The following APBB1IP variants were observed in gnomAD, a reference collection of about 807,000 sequenced individuals.
The protein encoded by APBB1IP is amyloid beta A4 precursor protein-binding family B member 1-interacting protein.
Under a neutral mutation model 64.9 loss-of-function variants are expected in APBB1IP, and 27 were observed. That is an observed-to-expected ratio of 0.42 (90% confidence interval 0.31 to 0.57). The LOEUF is 0.57. Ranked by LOEUF, APBB1IP falls within the 20% of genes least tolerant of loss-of-function variation. APBB1IP has a pLI of 0.20. For missense variants in APBB1IP, 812 were observed against 845.5 expected, an observed-to-expected ratio of 0.96 and a Z score of 0.49; for synonymous variants, 392 against 331.0, an observed-to-expected ratio of 1.18 and a Z score of -2.00.
chr10:26,463,627 G>A (rs1564351632), intron 2 of APBB1IP, among the ~76,000 whole-genome samples: 1 of 152,064 alleles, frequency 6.6e-6, no homozygotes. Flanking sequence ...AATCAATGAG[G>A]TATTTTTTCC....
chr10:26,531,044 A>G (rs1162580893), intron 8 of APBB1IP, among the ~76,000 whole-genome samples: 1 of 152,208 alleles, frequency 6.6e-6, no homozygotes, highest in Non-Finnish European at 1.5e-5. Context: ...CTTCTTTTCA[A>G]TAAGAATTAC....
At chr10:26,455,370 T>G (rs1363828941) in intron 2 of APBB1IP, among the ~76,000 whole-genome samples, 1 of 151,872 alleles carries the variant, frequency 6.6e-6, no homozygotes, top group Admixed American at 6.6e-5. Flanking sequence ...TCTACTAAAA[T>G]ACAAAAAAGT....
chr10:26,562,502 T>G, intron 14 of APBB1IP, 73 bp downstream of exon 14: 1 of 1,338,540 alleles, frequency 7.5e-7, no homozygotes, highest in South Asian at 1.2e-5. Context: ...AACTGCTCTT[T>G]TAAAAAGAGA....
At chr10:26,557,326 G>A (rs935771018) in intron 11 of APBB1IP, among the ~76,000 whole-genome samples, 6 of 152,178 alleles carry the variant, frequency 3.9e-5, no homozygotes, top group South Asian at 2.1e-4. Flanking sequence ...TCTCACCGTC[G>A]GTAGAGAGAA....
chr10:26,451,424 G>A lies in APBB1IP; in HGVS notation c.-1+12571G>A, dbSNP rs143798369. ...TCCTAATTAAGAATGTATTAATAGT[G>A]GATTGAAGCATTTCTCTCAGTCCTC... is the stretch of plus-strand genomic sequence containing the variant. On this transcript the variant is annotated intron_variant, in intron 2 of 14. Coordinates refer to ENST00000376236, the MANE Select transcript of APBB1IP (RefSeq NM_019043.4). Among the ~76,000 whole-genome samples, 1,070 of 152,222 alleles carry A rather than the reference G, an allele frequency of 7.0e-3. 10 individuals carry two copies. The highest frequency in any genetic ancestry group is 0.024 in the African/African-American group (1,016 of 41,526).
intron 14 of APBB1IP, among the ~76,000 whole-genome samples, chr10:26,565,996 G>C (rs1837038157): frequency 6.6e-6 from 1 of 152,212 alleles, no homozygotes; most frequent in Non-Finnish European, 1.5e-5. Context: ...CTACATGATT[G>C]CTGGGTTTGC....
chr10:26,551,772 A>G (rs1350815585), intron 11 of APBB1IP, among the ~76,000 whole-genome samples: 1 of 152,196 alleles, frequency 6.6e-6, no homozygotes, highest in Non-Finnish European at 1.5e-5. Flanking sequence ...GCTTTCTCCC[A>G]TAGTAGAATA....
At chr10:26,542,363 C>T (rs1836707456) in intron 11 of APBB1IP, among the ~76,000 whole-genome samples, 1 of 152,102 alleles carries the variant, frequency 6.6e-6, no homozygotes, top group African/African-American at 2.4e-5. Context: ...ACCATATTAC[C>T]CAGGCTGGTC....
At chr10:26,523,135 C>T (rs139131356) in intron 8 of APBB1IP, among the ~76,000 whole-genome samples, 22 of 151,932 alleles carry the variant, frequency 1.4e-4, no homozygotes, top group East Asian at 5.8e-4. Context: ...GATGAATTTC[C>T]GTATCAATTA....
chr10:26,445,128 AAAAGAAAGAAAG>A (rs762345104), intron 2 of APBB1IP, among the ~76,000 whole-genome samples: 14,818 of 101,700 alleles, frequency 0.15, 1,031 homozygotes, highest in Middle Eastern at 0.17. Context: ...AGAAAGAAAG[AAAAGAAAGAAAG>A]AAAGAAAGAA....
chr10:26,481,091 T>G (rs1311605696), intron 2 of APBB1IP, among the ~76,000 whole-genome samples: 2 of 152,064 alleles, frequency 1.3e-5, no homozygotes, highest in Non-Finnish European at 2.9e-5. Context: ...GAACTTAAAA[T>G]AATCTAGAGA....
At chr10:26,497,509 C>T (rs944489365) in intron 4 of APBB1IP, among the ~76,000 whole-genome samples, 1 of 151,610 alleles carries the variant, frequency 6.6e-6, no homozygotes, top group Non-Finnish European at 1.5e-5. Context: ...TGAGATCGCG[C>T]CACTGCACTC....
Position 26,567,597 on chromosome 10 carries a change from G to T in APBB1IP, c.*109G>T. 1.4e-6 allele frequency: 2 copies of T among 1,451,824 alleles called. No individual in the cohort carries two copies. The highest frequency in any genetic ancestry group is 1.4e-5 in the African/African-American group (1 of 70,330). The allele number at this position is 1,451,824 out of a possible 1,614,324, so 89.9% of individuals were successfully genotyped here. On this transcript the variant is annotated 3_prime_UTR_variant, in exon 15 of 15. Coordinates refer to ENST00000376236, the MANE Select transcript of APBB1IP (RefSeq NM_019043.4). ...GTTCATTTCAGATAAAATGTGATGG[G>T]AAACTTCTCACTGATGTGCTCAAGT...
intron 11 of APBB1IP, 128 bp from the exon 12 acceptor site, chr10:26,559,977 A>G: frequency 1.4e-6 from 1 of 735,802 alleles, no homozygotes; most frequent in South Asian, 1.6e-5. Context: ...TCTTAACATT[A>G]CAACCAGTAA....
At chr10:26,476,518 A>G (rs1300915449) in intron 2 of APBB1IP, among the ~76,000 whole-genome samples, 3 of 151,916 alleles carry the variant, frequency 2.0e-5, no homozygotes, top group Non-Finnish European at 1.5e-5. Context: ...TTAAAACTTA[A>G]AAAAAGTAAG....
intron 2 of APBB1IP, 119 bp from the exon 3 acceptor site, chr10:26,492,208 T>C (rs1296261090): frequency 1.2e-6 from 1 of 809,050 alleles, no homozygotes; most frequent in East Asian, 2.6e-5. Context: ...CTCAATATAG[T>C]CCTCTCCCAA....
chr10:26,493,740 T>G (rs1313653237), intron 3 of APBB1IP, among the ~76,000 whole-genome samples: 3 of 152,186 alleles, frequency 2.0e-5, no homozygotes, highest in African/African-American at 7.2e-5. Flanking sequence ...ATAGAGAAAT[T>G]TACCCCCAAG....
chr10:26,562,520 C>A, intron 14 of APBB1IP, 91 bp downstream of exon 14: 1 of 1,106,916 alleles, frequency 9.0e-7, no homozygotes, highest in Non-Finnish European at 1.4e-6. Flanking sequence ...AGAAAATAAG[C>A]TGAGTGCAGT....
At chr10:26,547,046 C>T (rs1313697969) in intron 11 of APBB1IP, among the ~76,000 whole-genome samples, 4 of 152,192 alleles carry the variant, frequency 2.6e-5, no homozygotes, top group African/African-American at 9.7e-5. Flanking sequence ...TTTCCACATC[C>T]TTGTCAGCAT....
Sources: allele counts gnomAD v4.1 joint callset (sites outside exome capture counted in the v4.1 genomes callset), GRCh38; gene constraint gnomAD v4.1.1; transcripts MANE v1.5; gene names NCBI Gene and HGNC (gene_info 2026-07-23, HGNC 2026-07-21).